The following ATP2A2 variants were observed in gnomAD, a reference collection of about 807,000 sequenced individuals.
ATP2A2 encodes ATPase sarcoplasmic/endoplasmic reticulum Ca2+ transporting 2, also known as sarcoplasmic/endoplasmic reticulum calcium ATPase 2.
In ATP2A2, 14 loss-of-function variants were observed where a neutral mutation model predicts 109.3. That is an observed-to-expected ratio of 0.13 (90% CI 0.08 to 0.20). The LOEUF (loss-of-function observed/expected upper bound fraction) is 0.20. Ranked by LOEUF, ATP2A2 falls within the 10% of genes least tolerant of loss-of-function variation. The pLI is 1.00. For synonymous variants in ATP2A2, 506 were observed against 490.9 expected, an observed-to-expected ratio of 1.03 and a Z score of -0.41; for missense variants, 657 against 1,321.6, an observed-to-expected ratio of 0.50 and a Z score of 7.80.
In ATP2A2 at chr12:110,350,359, G is replaced by GCA. The variant is rs1422090385; in HGVS notation, c.*3890_*3891insAC. ...TAAGGGTGTTCGGTTGCGTGCATGT[G>GCA]CGTTTTTAGCAACACATCTACCAAC... On this transcript the variant is annotated 3_prime_UTR_variant, in exon 20 of 20. Transcript: ENST00000539276. The GCA allele has an allele frequency of 2.5e-6, 4 of 1,613,948 alleles. No homozygotes were observed. In the African/African-American group the frequency reaches 4.0e-5, roughly 16 times the overall value.
chr12:110,284,289 G>T (rs937045147), intron 3 of ATP2A2, among the ~76,000 whole-genome samples: 2 of 152,180 alleles, frequency 1.3e-5, no homozygotes, highest in Admixed American at 1.3e-4. Context: ...GATACATTTG[G>T]AGCTAGTGTA....
At chr12:110,315,081 T>G (rs1876522406) in intron 5 of ATP2A2, among the ~76,000 whole-genome samples, 2 of 152,178 alleles carry the variant, frequency 1.3e-5, no homozygotes, top group Admixed American at 1.3e-4. Context: ...TTAGCCAGGA[T>G]GATCTCGTTC....
At chr12:110,293,139 A>G (rs1300958796) in intron 4 of ATP2A2, among the ~76,000 whole-genome samples, 2 of 151,652 alleles carry the variant, frequency 1.3e-5, no homozygotes, top group Non-Finnish European at 2.9e-5. Flanking sequence ...GTGCAGTGGC[A>G]CGATCTCGGC....
chr12:110,343,010 G>A (rs533060159), intron 15 of ATP2A2, among the ~76,000 whole-genome samples: 120 of 152,284 alleles, frequency 7.9e-4, no homozygotes, highest in African/African-American at 2.7e-3. Flanking sequence ...AAAGTGCTGG[G>A]ATTACAGGCA....
At chr12:110,281,984 T>C in intron 1 of ATP2A2, 77 bp downstream of exon 1, 1 of 1,217,414 alleles carries the variant, frequency 8.2e-7, no homozygotes, top group Non-Finnish European at 1.1e-6. Flanking sequence ...GGGCTCCACC[T>C]CGTGGGCTTC....
At chr12:110,295,322 A>G (rs543311029) in intron 4 of ATP2A2, among the ~76,000 whole-genome samples, 2 of 152,190 alleles carry the variant, frequency 1.3e-5, no homozygotes, top group South Asian at 4.1e-4. Context: ...GCACCATGTC[A>G]GGATAATTTT....
At chr12:110,286,125 TG>T (rs1179723524) in intron 3 of ATP2A2, among the ~76,000 whole-genome samples, 2 of 152,106 alleles carry the variant, frequency 1.3e-5, no homozygotes, top group African/African-American at 4.8e-5. Flanking sequence ...GGTTTACCTT[TG>T]TTGGCCAGGC....
At chr12:110,305,292 A>G (rs1253339170) in intron 5 of ATP2A2, among the ~76,000 whole-genome samples, 1 of 152,080 alleles carries the variant, frequency 6.6e-6, no homozygotes, top group Non-Finnish European at 1.5e-5. Flanking sequence ...TAGTCTCACT[A>G]CTCAGGAGGC....
At chr12:110,326,072 C>CA (rs34256075) in intron 6 of ATP2A2, 228 of 387,692 alleles carry the variant, frequency 5.9e-4, no homozygotes, top group African/African-American at 4.5e-3. Flanking sequence ...GTCACAGTAT[C>CA]AGAGTATAAA....
intron 5 of ATP2A2, 151 bp from the exon 6 acceptor site, chr12:110,322,841 T>G: frequency 2.9e-6 from 2 of 685,328 alleles, no homozygotes; most frequent in Non-Finnish European, 5.3e-6. Flanking sequence ...GATAGGTTGA[T>G]CACTTTGCTT....
intron 4 of ATP2A2, 163 bp from the exon 5 acceptor site, chr12:110,296,436 T>C (rs1275632266): frequency 3.3e-6 from 3 of 901,914 alleles, no homozygotes; most frequent in Non-Finnish European, 5.3e-6. Context: ...AATTAATAAA[T>C]GTCCTTGTGT....
At chr12:110,332,428 T>C in intron 8 of ATP2A2, 169 bp from the exon 9 acceptor site, 1 of 674,570 alleles carries the variant, frequency 1.5e-6, no homozygotes, top group Non-Finnish European at 2.7e-6. Context: ...CTAGTTAGGG[T>C]AAGGGACAGT....
Position 110,346,700 on chromosome 12 carries a change from A to G in ATP2A2, c.*230A>G. 2.1e-6 allele frequency: 3 copies of G among 1,395,866 alleles called. No homozygotes were observed. Among genetic ancestry groups the G allele is most frequent in the South Asian group, 1.5e-5 (1 of 64,536 alleles). The allele number at this position is 1,395,866 out of a possible 1,614,324, so 86.5% of individuals were successfully genotyped here. A position where few individuals can be genotyped will look rare whatever the true frequency, so the allele number is the denominator to read the frequency against. On this transcript the variant is annotated 3_prime_UTR_variant, in exon 20 of 20. Transcript: ENST00000539276. ...ATGTACAGAGAACTAACACTATTTT[A>G]TGCAAATATTTTTTTGTAGATGAAA...
Position 110,350,157 on chromosome 12 carries a change from T to C in ATP2A2, c.*3687T>C. 6.4e-7 allele frequency: 1 copy of C among 1,574,132 alleles called. No homozygotes were observed. Among genetic ancestry groups the C allele is most frequent in the Non-Finnish European group, 8.6e-7 (1 of 1,159,768 alleles). On this transcript the variant is annotated 3_prime_UTR_variant, in exon 20 of 20. Coordinates refer to ENST00000539276, the MANE Select transcript of ATP2A2 (RefSeq NM_170665.4). ...AGGGACAGTAAATCAGAAATGCTGGTCTTGAAACCTTGAAAAGATCAAGCT... is the reference window on the plus strand; with the variant it reads ...AGGGACAGTAAATCAGAAATGCTGGCCTTGAAACCTTGAAAAGATCAAGCT...
chr12:110,329,441 A>G, intron 8 of ATP2A2: 1 of 153,240 alleles, frequency 6.5e-6, no homozygotes, highest in Non-Finnish European at 1.5e-5. Flanking sequence ...TTTGAGATGG[A>G]GTTTCACTCT....
Position 110,281,973 on chromosome 12 carries a change from C to G in ATP2A2, c.118+66C>G. 2.3e-6 allele frequency: 3 copies of G among 1,324,182 alleles called. No homozygotes were observed. In the South Asian group the frequency reaches 4.0e-5, roughly 18 times the overall value. The allele number at this position is 1,324,182 out of a possible 1,614,324, so 82.0% of individuals were successfully genotyped here. On this transcript the variant is annotated intron_variant, in intron 1 of 19. Transcript: ENST00000539276. ...GGGAGAGCCAGGGAAGATGGCTGAC[C>G]GGGCTCCACCTCGTGGGCTTCGGCT...
chr12:110,325,664 G>T (rs1167439300), intron 6 of ATP2A2: 1 of 151,592 alleles, frequency 6.6e-6, no homozygotes, highest in South Asian at 2.1e-4. Context: ...TTTACCATGC[G>T]ATCTTTCCAG....
At chr12:110,324,848 A>T (rs1877616054) in intron 6 of ATP2A2, among the ~76,000 whole-genome samples, 1 of 150,458 alleles carries the variant, frequency 6.6e-6, no homozygotes, top group Admixed American at 6.6e-5. Flanking sequence ...TTTTTTTTAA[A>T]GACAGAGTTG....
intron 3 of ATP2A2, among the ~76,000 whole-genome samples, chr12:110,287,735 C>T (rs1484897227): frequency 1.3e-5 from 2 of 152,078 alleles, no homozygotes; most frequent in African/African-American, 2.4e-5. Flanking sequence ...CTGCCTCAGC[C>T]TCCCGAGTAG....
Sources: gnomAD v4.1 joint callset for allele counts (sites outside exome capture counted in the v4.1 genomes callset) on GRCh38, gnomAD v4.1.1 for gene constraint, MANE v1.5 for transcripts, NCBI Gene and HGNC (gene_info 2026-07-23, HGNC 2026-07-21) for gene names.